The following MMP16 variants were observed in gnomAD, a reference collection of about 807,000 sequenced individuals.
MMP16 encodes matrix metalloproteinase-16.
Under a neutral mutation model 67.8 loss-of-function variants are expected in MMP16, and 12 were observed. The ratio of observed to expected loss-of-function variants is 0.18; its 90% CI spans 0.11 to 0.29. The LOEUF (loss-of-function observed/expected upper bound fraction) is 0.29. MMP16 is among the 10% of genes least tolerant of loss of function. The pLI, the probability that MMP16 is intolerant of heterozygous loss-of-function variation, is 1.00. For synonymous variants in MMP16, 249 were observed against 255.9 expected (o/e 0.97, Z 0.26); for missense variants, 475 against 765.7 (o/e 0.62, Z 4.48).
At chr8:88,268,141 G>A (rs890640649) in intron 1 of MMP16, among the ~76,000 whole-genome samples, 1 of 152,100 alleles carries the variant, frequency 6.6e-6, no homozygotes, top group African/African-American at 2.4e-5. Flanking sequence ...TCAGGAGTTC[G>A]AGACCAGCCT....
At chr8:88,155,826 T>C (rs1418120684) in intron 4 of MMP16, among the ~76,000 whole-genome samples, 1 of 152,124 alleles carries the variant, frequency 6.6e-6, no homozygotes, top group East Asian at 1.9e-4. Context: ...GTTTTCTTGA[T>C]AAAATACTTT....
At chr8:88,319,057 T>A (rs1249031680) in intron 1 of MMP16, among the ~76,000 whole-genome samples, 1 of 152,040 alleles carries the variant, frequency 6.6e-6, no homozygotes, top group Non-Finnish European at 1.5e-5. Context: ...AGATCACATA[T>A]CCATTACATA....
chr8:88,237,271 G>T (rs959101547), intron 1 of MMP16, among the ~76,000 whole-genome samples: 1 of 152,204 alleles, frequency 6.6e-6, no homozygotes, highest in Admixed American at 6.5e-5. Flanking sequence ...GAAGGGATGG[G>T]CATTATGCGT....
chr8:88,232,182 T>A (rs1378508328), intron 1 of MMP16, among the ~76,000 whole-genome samples: 1 of 152,260 alleles, frequency 6.6e-6, no homozygotes, highest in South Asian at 2.1e-4. Flanking sequence ...AGATATTTAA[T>A]GTCAATTTAA....
intron 4 of MMP16, among the ~76,000 whole-genome samples, chr8:88,119,956 A>C (rs1400779219): frequency 6.6e-6 from 1 of 152,038 alleles, no homozygotes; most frequent in Non-Finnish European, 1.5e-5. Context: ...TGCCTTCAGA[A>C]GACTATTTTT....
intron 1 of MMP16, among the ~76,000 whole-genome samples, chr8:88,239,294 C>CAA (rs34599512): frequency 0.67 from 53,651 of 80,404 alleles, 18,975 homozygotes; most frequent in East Asian, 0.94. Context: ...GACGCAGTCT[C>CAA]AAAAAAAAAA....
At chr8:88,141,937 C>T (rs941849798) in intron 4 of MMP16, among the ~76,000 whole-genome samples, 2 of 148,808 alleles carry the variant, frequency 1.3e-5, no homozygotes, top group Non-Finnish European at 1.5e-5. Flanking sequence ...TTTTTTGAGA[C>T]AGAGTCTCGC....
intron 1 of MMP16, among the ~76,000 whole-genome samples, chr8:88,302,466 G>A (rs1229169358): frequency 1.3e-5 from 2 of 152,108 alleles, no homozygotes; most frequent in East Asian, 3.9e-4. Context: ...TAAAGTCCCT[G>A]TTGTACTCCT....
intron 1 of MMP16, among the ~76,000 whole-genome samples, chr8:88,221,313 G>A (rs999960584): frequency 1.3e-5 from 2 of 152,068 alleles, no homozygotes; most frequent in Non-Finnish European, 2.9e-5. Flanking sequence ...AAATCTGAAA[G>A]TACAGATTAC....
chr8:88,160,166 C>T (rs1287685668), intron 4 of MMP16, among the ~76,000 whole-genome samples: 1 of 151,926 alleles, frequency 6.6e-6, no homozygotes, highest in Non-Finnish European at 1.5e-5. Flanking sequence ...GTTCCCCTTC[C>T]TGTGTACATG....
chr8:88,259,187 A>G (rs553610905), intron 1 of MMP16, among the ~76,000 whole-genome samples: 2 of 152,326 alleles, frequency 1.3e-5, no homozygotes, highest in Non-Finnish European at 2.9e-5. Flanking sequence ...AGCTACCTAT[A>G]TATGGATGCT....
chr8:88,278,153 A>G (rs962951252), intron 1 of MMP16, among the ~76,000 whole-genome samples: 1 of 152,186 alleles, frequency 6.6e-6, no homozygotes, highest in Admixed American at 6.5e-5. Flanking sequence ...CTTACTTTAT[A>G]AACCATCACT....
At chr8:88,169,779 CAAGT>C (rs1228098741) in intron 3 of MMP16, among the ~76,000 whole-genome samples, 1 of 151,936 alleles carries the variant, frequency 6.6e-6, no homozygotes, top group East Asian at 1.9e-4. Flanking sequence ...AGAGAGAGAG[CAAGT>C]GTCAGGATAT....
chr8:88,177,047 C>T (rs1239480171), intron 3 of MMP16, among the ~76,000 whole-genome samples: 2 of 152,144 alleles, frequency 1.3e-5, no homozygotes, highest in Admixed American at 6.5e-5. Context: ...TGTTCATCTT[C>T]TGTTATGTCC....
intron 1 of MMP16, among the ~76,000 whole-genome samples, chr8:88,250,989 C>T (rs1397779867): frequency 1.4e-5 from 2 of 147,454 alleles, no homozygotes; most frequent in Non-Finnish European, 3.0e-5. Context: ...CATGTGATCT[C>T]ATTGTTCAAT....
intron 1 of MMP16, among the ~76,000 whole-genome samples, chr8:88,201,225 A>C (rs1809340199): frequency 6.6e-6 from 1 of 151,710 alleles, no homozygotes; most frequent in African/African-American, 2.4e-5. Flanking sequence ...GAAGAGATAC[A>C]TTTTAGAAAT....
At chr8:88,143,962 A>C (rs1808251908) in intron 4 of MMP16, among the ~76,000 whole-genome samples, 1 of 151,974 alleles carries the variant, frequency 6.6e-6, no homozygotes, top group South Asian at 2.1e-4. Context: ...AGAGAAATGT[A>C]CATTTCTCCA....
At chr8:88,062,804 A>G (rs1205057363) in intron 7 of MMP16, among the ~76,000 whole-genome samples, 1 of 152,146 alleles carries the variant, frequency 6.6e-6, no homozygotes, top group East Asian at 1.9e-4. Context: ...CTTAAAGTAT[A>G]ATAAAAAAAA....
At chr8:88,257,086 T>C (rs1475700022) in intron 1 of MMP16, among the ~76,000 whole-genome samples, 1 of 152,220 alleles carries the variant, frequency 6.6e-6, no homozygotes, top group Non-Finnish European at 1.5e-5. Context: ...TCACTTTGCA[T>C]CCTTTTAACA....
Sources: gnomAD v4.1 joint callset for allele counts (sites outside exome capture counted in the v4.1 genomes callset) on GRCh38, gnomAD v4.1.1 for gene constraint, MANE v1.5 for transcripts, NCBI Gene and HGNC (gene_info 2026-07-23, HGNC 2026-07-21) for gene names.